TAFA1: variants seen among roughly 807,000 people sequenced by gnomAD.
The protein encoded by TAFA1 is chemokine-like protein TAFA-1.
In TAFA1, 4 loss-of-function variants were observed where a neutral mutation model predicts 18.5. That is an observed-to-expected ratio of 0.22 (90% CI 0.11 to 0.49). TAFA1 has a LOEUF of 0.49. TAFA1 is among the 20% of genes least tolerant of loss of function. TAFA1 has a pLI of 0.98. For missense variants in TAFA1, 147 were observed against 169.0 expected (o/e 0.87, Z 0.72); for synonymous variants, 56 against 55.2 (o/e 1.01, Z -0.06).
intron 2 of TAFA1, among the ~76,000 whole-genome samples, chr3:68,016,966 A>AC (rs1704582471): frequency 6.6e-6 from 1 of 152,224 alleles, no homozygotes; most frequent in Non-Finnish European, 1.5e-5. Flanking sequence ...GAAAGTGAAG[A>AC]CAGGAATTAG....
intron 3 of TAFA1, among the ~76,000 whole-genome samples, chr3:68,533,611 A>C (rs1346966915): frequency 6.6e-6 from 1 of 152,224 alleles, no homozygotes; most frequent in Admixed American, 6.5e-5. Flanking sequence ...TGCATTTTAC[A>C]TGAGATAAAG....
intron 2 of TAFA1, among the ~76,000 whole-genome samples, chr3:68,355,370 T>A (rs1463830863): frequency 1.3e-5 from 2 of 152,036 alleles, no homozygotes; most frequent in Non-Finnish European, 2.9e-5. Flanking sequence ...CAGAGGCATG[T>A]GACTTCTGTT....
At chr3:68,420,661 G>C (rs572088612) in intron 3 of TAFA1, among the ~76,000 whole-genome samples, 1 of 152,212 alleles carries the variant, frequency 6.6e-6, no homozygotes, top group African/African-American at 2.4e-5. Context: ...CACAACAAGG[G>C]AGCTGCTACT....
At chr3:68,159,575 T>A (rs981173005) in intron 2 of TAFA1, among the ~76,000 whole-genome samples, 1 of 152,128 alleles carries the variant, frequency 6.6e-6, no homozygotes, top group South Asian at 2.1e-4. Context: ...CCTACTTAGT[T>A]TTTTAGAGAT....
chr3:67,995,450 T>G, the TAFA1 span, among the ~76,000 whole-genome samples: 17 of 152,142 alleles, frequency 1.1e-4, no homozygotes, highest in African/African-American at 3.6e-4. Context: ...ATTTCTGGCT[T>G]AGGGACTCCA....
intron 2 of TAFA1, among the ~76,000 whole-genome samples, chr3:68,297,513 A>G (rs980212211): frequency 6.6e-6 from 1 of 152,164 alleles, no homozygotes; most frequent in Non-Finnish European, 1.5e-5. Context: ...GGACATAGCC[A>G]TCGTTATCTT....
At chr3:68,533,654 C>T (rs1361750782) in intron 3 of TAFA1, among the ~76,000 whole-genome samples, 4 of 152,134 alleles carry the variant, frequency 2.6e-5, no homozygotes, top group Non-Finnish European at 4.4e-5. Flanking sequence ...GTCTAATATG[C>T]ATTTGTCTTG....
intron 2 of TAFA1, among the ~76,000 whole-genome samples, chr3:68,220,651 A>C (rs2066718159): frequency 6.6e-6 from 1 of 152,088 alleles, no homozygotes; most frequent in Non-Finnish European, 1.5e-5. Context: ...ACCACCTCCA[A>C]GATACTCTAC....
chr3:68,310,490 A>T (rs2068496364), intron 2 of TAFA1, among the ~76,000 whole-genome samples: 1 of 152,206 alleles, frequency 6.6e-6, no homozygotes, highest in Non-Finnish European at 1.5e-5. Context: ...CCAGTATCAC[A>T]TGACTATATT....
At chr3:68,092,566 A>G (rs2106799715) in intron 2 of TAFA1, among the ~76,000 whole-genome samples, 1 of 152,312 alleles carries the variant, frequency 6.6e-6, no homozygotes, top group Middle Eastern at 3.4e-3. Context: ...AGAAAATAGG[A>G]AGGAAAGTGA....
chr3:68,534,453 CTGTTAA>C (rs1204444955), intron 3 of TAFA1, among the ~76,000 whole-genome samples: 2 of 151,958 alleles, frequency 1.3e-5, no homozygotes, highest in African/African-American at 4.8e-5. Context: ...CCTTTTTTTC[CTGTTAA>C]TGTTTATTTT....
chr3:68,261,445 G>T (rs1452903824), intron 2 of TAFA1, among the ~76,000 whole-genome samples: 3 of 152,142 alleles, frequency 2.0e-5, no homozygotes, highest in African/African-American at 7.2e-5. Context: ...AAATCATGCT[G>T]CTATAAAGAT....
At chr3:68,133,015 C>G (rs966648316) in intron 2 of TAFA1, among the ~76,000 whole-genome samples, 1 of 152,070 alleles carries the variant, frequency 6.6e-6, no homozygotes, top group African/African-American at 2.4e-5. Context: ...CATGTGTAAG[C>G]CTTTAATCCA....
intron 2 of TAFA1, among the ~76,000 whole-genome samples, chr3:68,280,201 G>C (rs746706854): frequency 6.6e-6 from 1 of 152,082 alleles, no homozygotes; most frequent in Non-Finnish European, 1.5e-5. Flanking sequence ...CTTTTAAAAG[G>C]GGGAACTGAG....
At chr3:68,314,133 G>T (rs925290454) in intron 2 of TAFA1, among the ~76,000 whole-genome samples, 1 of 152,106 alleles carries the variant, frequency 6.6e-6, no homozygotes, top group African/African-American at 2.4e-5. Flanking sequence ...GTTAGTGTTT[G>T]GTTGTTGTTT....
intron 2 of TAFA1, among the ~76,000 whole-genome samples, chr3:68,263,416 G>T (rs192893533): frequency 7.0e-6 from 1 of 143,134 alleles, no homozygotes; most frequent in East Asian, 2.0e-4. Flanking sequence ...ATCCCTCTTA[G>T]GTAGAACAGA....
chr3:68,128,396 C>A (rs1217743680), intron 2 of TAFA1, among the ~76,000 whole-genome samples: 2 of 152,154 alleles, frequency 1.3e-5, no homozygotes, highest in African/African-American at 4.8e-5. Context: ...GGACTCCAAC[C>A]ACAACTTTAT....
chr3:68,085,569 T>A (rs751600267), intron 2 of TAFA1, among the ~76,000 whole-genome samples: 1 of 152,230 alleles, frequency 6.6e-6, no homozygotes, highest in Non-Finnish European at 1.5e-5. Context: ...TGGCTCTTGA[T>A]GGTTATCATC....
At chr3:68,279,455 T>A (rs1206984966) in intron 2 of TAFA1, among the ~76,000 whole-genome samples, 1 of 152,190 alleles carries the variant, frequency 6.6e-6, no homozygotes, top group Non-Finnish European at 1.5e-5. Flanking sequence ...ACTGACTTTT[T>A]ACATGACTAC....
Sources: allele counts gnomAD v4.1 joint callset (sites outside exome capture counted in the v4.1 genomes callset), GRCh38; gene constraint gnomAD v4.1.1; transcripts MANE v1.5; gene names NCBI Gene and HGNC (gene_info 2026-07-23, HGNC 2026-07-21).